SCFD2: variants seen among roughly 807,000 people sequenced by gnomAD.
The protein encoded by SCFD2 is sec1 family domain-containing protein 2.
In SCFD2, 54 loss-of-function variants were observed where a neutral mutation model predicts 58.9. The ratio of observed to expected loss-of-function variants is 0.92; its 90% CI spans 0.74 to 1.15. The LOEUF (loss-of-function observed/expected upper bound fraction) is 1.15. Ranked by LOEUF, SCFD2 falls within the 50% of genes most tolerant of loss-of-function variation. SCFD2 has a pLI of 0.00. For synonymous variants in SCFD2, 321 were observed against 335.9 expected, an observed-to-expected ratio of 0.96 and a Z score of 0.49; for missense variants, 805 against 836.6, an observed-to-expected ratio of 0.96 and a Z score of 0.47.
intron 3 of SCFD2, among the ~76,000 whole-genome samples, chr4:53,286,926 G>A (rs1435429023): frequency 2.0e-5 from 3 of 152,144 alleles, no homozygotes; most frequent in East Asian, 1.9e-4. Flanking sequence ...ACCACTATGT[G>A]GCATCCTCTC....
chr4:53,310,773 G>A (rs926912450), intron 3 of SCFD2, among the ~76,000 whole-genome samples: 13 of 152,122 alleles, frequency 8.5e-5, no homozygotes, highest in Middle Eastern at 6.8e-3. Flanking sequence ...TGCTCATAAC[G>A]TTTTAACATG....
intron 5 of SCFD2, among the ~76,000 whole-genome samples, chr4:53,072,997 C>A (rs1723865685): frequency 6.6e-6 from 1 of 152,068 alleles, no homozygotes; most frequent in African/African-American, 2.4e-5. Flanking sequence ...AATTAAACCA[C>A]CATTGATGGG....
intron 5 of SCFD2, among the ~76,000 whole-genome samples, chr4:53,039,969 C>T (rs1722854369): frequency 6.6e-6 from 1 of 152,158 alleles, no homozygotes; most frequent in Non-Finnish European, 1.5e-5. Flanking sequence ...CACTTACACT[C>T]CTTCTGTCTT....
intron 5 of SCFD2, among the ~76,000 whole-genome samples, chr4:53,051,809 T>G (rs1162550113): frequency 6.6e-6 from 1 of 152,210 alleles, no homozygotes; most frequent in Non-Finnish European, 1.5e-5. Flanking sequence ...TTAGTTCTAC[T>G]GAGTATTTCT....
At chr4:53,014,088 C>T (rs758401909) in intron 5 of SCFD2, among the ~76,000 whole-genome samples, 1 of 152,124 alleles carries the variant, frequency 6.6e-6, no homozygotes, top group Non-Finnish European at 1.5e-5. Flanking sequence ...CACCCTTTGC[C>T]ATGTGCAGGG....
intron 5 of SCFD2, among the ~76,000 whole-genome samples, chr4:53,136,163 G>C (rs1725931547): frequency 6.6e-6 from 1 of 152,168 alleles, no homozygotes; most frequent in African/African-American, 2.4e-5. Flanking sequence ...TTTGCACTAA[G>C]TCTTAGGTTT....
intron 5 of SCFD2, among the ~76,000 whole-genome samples, chr4:52,978,354 C>A (rs1721299530): frequency 6.6e-6 from 1 of 152,058 alleles, no homozygotes; most frequent in Non-Finnish European, 1.5e-5. Flanking sequence ...TGATGACCCC[C>A]TAGGCATTTC....
intron 3 of SCFD2, among the ~76,000 whole-genome samples, chr4:53,287,256 G>A (rs1490971149): frequency 6.6e-6 from 1 of 152,096 alleles, no homozygotes; most frequent in Admixed American, 6.5e-5. Flanking sequence ...CAGCTCCACA[G>A]CCACTCCAAT....
intron 3 of SCFD2, among the ~76,000 whole-genome samples, chr4:53,303,663 T>G (rs1732412296): frequency 6.6e-6 from 1 of 152,204 alleles, no homozygotes; most frequent in Non-Finnish European, 1.5e-5. Context: ...GTATGTTTAT[T>G]GTGGCATTAT....
intron 4 of SCFD2, among the ~76,000 whole-genome samples, chr4:53,176,974 A>G (rs1727357754): frequency 6.6e-6 from 1 of 152,138 alleles, no homozygotes. Context: ...AGAAAGAAAA[A>G]AAAGAAAGAG....
At position 53,202,188 on chromosome 4, in the gene SCFD2, G is replaced by C. The variant is rs553588246; in HGVS notation, c.1312-56606C>G. Reference sequence around the variant, plus strand: ...AACATGTAAGTCTTTAATCCATCTTGAATTAATTTTTGTATAAGGTGTAAG... The same window carrying C: ...AACATGTAAGTCTTTAATCCATCTTCAATTAATTTTTGTATAAGGTGTAAG... On this transcript the variant is annotated intron_variant, in intron 4 of 8. Transcript: ENST00000401642. Among the ~76,000 whole-genome samples the C allele has an allele frequency of 2.7e-3, 416 of 151,646 alleles. 2 individuals are homozygous for C. The highest frequency in any genetic ancestry group is 9.5e-3 in the African/African-American group (395 of 41,390).
intron 2 of SCFD2, among the ~76,000 whole-genome samples, chr4:53,336,888 C>T (rs1191818990): frequency 6.6e-6 from 1 of 152,024 alleles, no homozygotes; most frequent in Non-Finnish European, 1.5e-5. Context: ...TGAAAGTGTG[C>T]TCAGTATCCT....
intron 5 of SCFD2, among the ~76,000 whole-genome samples, chr4:53,051,941 G>T (rs530984982): frequency 6.6e-6 from 1 of 152,052 alleles, no homozygotes; most frequent in East Asian, 1.9e-4. Flanking sequence ...ATAATGACTG[G>T]TCCCTCAATT....
intron 5 of SCFD2, among the ~76,000 whole-genome samples, chr4:53,007,019 G>A (rs1428603844): frequency 6.6e-6 from 1 of 151,974 alleles, no homozygotes; most frequent in Non-Finnish European, 1.5e-5. Flanking sequence ...GGTGGCTCAC[G>A]CCTATAATCC....
chr4:53,212,003 T>A (rs1230828146), intron 4 of SCFD2, among the ~76,000 whole-genome samples: 1 of 152,148 alleles, frequency 6.6e-6, no homozygotes, highest in South Asian at 2.1e-4. Context: ...AAGGCTAATT[T>A]CTGCCTAGCA....
chr4:53,088,017 T>C (rs1474937308), intron 5 of SCFD2, among the ~76,000 whole-genome samples: 1 of 152,140 alleles, frequency 6.6e-6, no homozygotes, highest in Non-Finnish European at 1.5e-5. Context: ...CGACTGCTTA[T>C]AGTAAAATAA....
At chr4:52,941,987 T>C (rs1173466929) in intron 5 of SCFD2, among the ~76,000 whole-genome samples, 1 of 152,228 alleles carries the variant, frequency 6.6e-6, no homozygotes. Flanking sequence ...TTTCAGATTT[T>C]GGAGCATATT....
chr4:53,032,455 T>C (rs1022978333), intron 5 of SCFD2, among the ~76,000 whole-genome samples: 1 of 152,104 alleles, frequency 6.6e-6, no homozygotes, highest in African/African-American at 2.4e-5. Flanking sequence ...ACCTTAAAGG[T>C]AAATAGGCTA....
intron 7 of SCFD2, among the ~76,000 whole-genome samples, chr4:52,887,896 CTTTTTTTTTTTTT>C (rs71195133): frequency 3.7e-5 from 3 of 81,646 alleles, no homozygotes; most frequent in Non-Finnish European, 4.4e-5. Flanking sequence ...ACATCTTATT[CTTTTTTTTTTTTT>C]TTTTTTTTTT....
Sources: allele counts gnomAD v4.1 joint callset (sites outside exome capture counted in the v4.1 genomes callset), GRCh38; gene constraint gnomAD v4.1.1; transcripts MANE v1.5; gene names NCBI Gene and HGNC (gene_info 2026-07-23, HGNC 2026-07-21).